Variants in PITRM1 observed in about 807,000 individuals in gnomAD.
PITRM1 encodes pitrilysin metallopeptidase 1, also known as presequence protease, mitochondrial.
Under a neutral mutation model 129.9 loss-of-function variants are expected in PITRM1, and 100 were observed. The ratio of observed to expected loss-of-function variants is 0.77; its 90% CI spans 0.65 to 0.91. The LOEUF (loss-of-function observed/expected upper bound fraction) is 0.91. Among genes scored for constraint, PITRM1 ranks in the 40% least tolerant of loss-of-function variants. PITRM1 has a pLI of 0.00. For missense variants in PITRM1, 1,471 were observed against 1,318.3 expected (o/e 1.12, Z -1.79); for synonymous variants, 591 against 508.8 (o/e 1.16, Z -2.17).
chr10:3,148,234 G>A lies in PITRM1; in HGVS notation c.1929C>T (p.Thr643=), dbSNP rs369323219. Residue 643 remains threonine, a synonymous_variant, in exon 17 of 27, where the codon ACC becomes ACT. Coordinates refer to ENST00000224949, the MANE Select transcript of PITRM1 (RefSeq NM_014889.4). ...CGTGGGGAGAAGCACTCATCCCTCC[G>A]GTCTTCAATTCTATCTGCTGAGCCT... is the stretch of plus-strand genomic sequence containing the variant. ...REQAQQIELK[T]GGMSASPHVL... is the part of the protein sequence containing the mutation. 4.2e-5 allele frequency: 67 copies of A among 1,613,844 alleles called. No homozygotes were observed. Among genetic ancestry groups the A allele is most frequent in the Admixed American group, 5.0e-5 (3 of 60,002 alleles).
chr10:3,149,869 A>G, intron 15 of PITRM1, 116 bp from the exon 16 acceptor site: 1 of 1,064,882 alleles, frequency 9.4e-7, no homozygotes, highest in South Asian at 1.4e-5. Context: ...TAAGACTTAT[A>G]CTAGAGTTTA....
In PITRM1 at chr10:3,149,188, C is replaced by T. The variant is rs558081066; in HGVS notation, c.1871+433G>A. The T allele has an allele frequency of 7.3e-4, 115 of 156,796 alleles. 1 individual carries two copies. Among genetic ancestry groups the T allele is most frequent in the Non-Finnish European group, 1.4e-3 (98 of 70,998 alleles). The allele number at this position is 156,796 out of a possible 1,614,324, so 9.7% of individuals were successfully genotyped here. A position where few individuals can be genotyped will look rare whatever the true frequency, so the allele number is the denominator to read the frequency against. ...AAAGTCAAGTGTTGATGTGTGCACT[C>T]GTGTGTGTGTTTCCAGATCTGTGCA... On this transcript the variant is annotated intron_variant, in intron 16 of 26. Coordinates refer to ENST00000224949, the MANE Select transcript of PITRM1 (RefSeq NM_014889.4).
In PITRM1 at chr10:3,171,147, T is replaced by TAAAAAAA. The variant is rs1169315061; in HGVS notation, c.57-948_57-942dup. On this transcript the variant is annotated intron_variant, in intron 1 of 26. Transcript: ENST00000224949. ...ATAAAGTGCGGACTAATCGTTCAAT[T>TAAAAAAA]AAAAAAAAAAAAAAAAAAAAAAAAA... 5.3e-4 allele frequency among the ~76,000 whole-genome samples: 26 copies of TAAAAAAA among 49,192 alleles called. 1 individual carries two copies. Among genetic ancestry groups the TAAAAAAA allele is most frequent in the East Asian group, 7.4e-4 (1 of 1,354 alleles). 32.3% of individuals were successfully genotyped at this position (49,192 alleles called of 152,430 possible).
chr10:3,146,020 C>T (rs1201838774), intron 20 of PITRM1: 2 of 313,576 alleles, frequency 6.4e-6, no homozygotes, highest in Non-Finnish European at 6.0e-6. Context: ...ATCTGCTAAC[C>T]GTGCCTTCGG....
At chr10:3,161,388 G>C (rs1436911582) in intron 7 of PITRM1, among the ~76,000 whole-genome samples, 1 of 152,164 alleles carries the variant, frequency 6.6e-6, no homozygotes, top group East Asian at 1.9e-4. Flanking sequence ...AGAGGAAAAA[G>C]GTTACAATGA....
intron 19 of PITRM1, 120 bp from the exon 20 acceptor site, chr10:3,147,370 G>C (rs568172826): frequency 1.0e-6 from 1 of 958,106 alleles, no homozygotes; most frequent in South Asian, 1.5e-5. Context: ...GCGAGTGCAC[G>C]GCTTGGGCAG....
intron 23 of PITRM1, chr10:3,141,861 G>C (rs1158846751): frequency 4.2e-6 from 1 of 236,752 alleles, no homozygotes; most frequent in Non-Finnish European, 8.9e-6. Context: ...GAGAAACCCA[G>C]CGCCACTCGG....
At chr10:3,149,547 T>C (rs913318626) in intron 16 of PITRM1, 74 bp downstream of exon 16, 1 of 1,377,176 alleles carries the variant, frequency 7.3e-7, no homozygotes, top group Non-Finnish European at 9.8e-7. Context: ...TAATTCCTAC[T>C]GATGCATTAG....
intron 2 of PITRM1, among the ~76,000 whole-genome samples, chr10:3,168,561 G>A (rs969163520): frequency 6.8e-6 from 1 of 147,366 alleles, no homozygotes; most frequent in Non-Finnish European, 1.5e-5. Flanking sequence ...GGAGGGACCT[G>A]GTGGGAGGTA....
chr10:3,143,396 G>T lies in PITRM1; in HGVS notation c.2638C>A (p.His880Asn). 2 of 1,603,466 alleles carry T rather than the reference G, an allele frequency of 1.2e-6. No homozygotes were observed. The highest frequency in any genetic ancestry group is 1.1e-5 in the South Asian group (1 of 90,888). ...IRTVPYTDPD[H>N]ASLKILARLM... is the part of the protein sequence containing the mutation. ...CGACCTACACCCTCCTACCTGGCAT[G>T]ATCTGGGTCCGTGTAGGGGACAGTT... Residue 880 changes from histidine (H) to asparagine (N), a missense_variant, in exon 23 of 27, where the codon CAT becomes AAT. Transcript: ENST00000224949.
At position 3,158,081 on chromosome 10, in the gene PITRM1, G is replaced by A. The variant is rs766860548; in HGVS notation, c.1209C>T (p.Thr403=). 3.0e-5 allele frequency: 49 copies of A among 1,611,056 alleles called. 1 individual carries two copies. The highest frequency in any genetic ancestry group is 3.3e-4 in the Middle Eastern group (2 of 6,082). ...TCGTTCTGTCTATGAGGCTTCTGAC[G>A]GTCTCAATGTCTTTCTCCGCAATCC... is the stretch of plus-strand genomic sequence containing the variant. The part of the protein sequence containing the change: ...LQGIAEKDIE[T]VRSLIDRTID... The change falls in exon 11 of 27, where the codon ACC becomes ACT. Residue 403 remains threonine, a synonymous_variant. Coordinates refer to ENST00000224949, the MANE Select transcript of PITRM1 (RefSeq NM_014889.4).
intron 25 of PITRM1, chr10:3,138,672 C>G: frequency 1.5e-6 from 1 of 647,988 alleles, no homozygotes; most frequent in South Asian, 1.8e-5. Flanking sequence ...CCGGACACTG[C>G]CATGGGTTGG....
chr10:3,143,605 C>G lies in PITRM1; in HGVS notation c.2533-104G>C. On this transcript the variant is annotated intron_variant, in intron 22 of 26. Coordinates refer to ENST00000224949, the MANE Select transcript of PITRM1 (RefSeq NM_014889.4). The stretch of plus-strand genomic sequence containing the variant: ...TCAGAGGCGGCTGTGCTCCCACGCA[C>G]TGCCCACGGCACTGGGACTGGAGCC... 2.0e-5 allele frequency: 16 copies of G among 789,852 alleles called. No homozygotes were observed. In the South Asian group the frequency reaches 2.3e-4, roughly 11 times the overall value. 48.9% of individuals were successfully genotyped at this position (789,852 alleles called of 1,614,324 possible). A position where few individuals can be genotyped will look rare whatever the true frequency, so the allele number is the denominator to read the frequency against.
At position 3,143,375 on chromosome 10, in the gene PITRM1, C is replaced by CT. The variant is rs1840467160; in HGVS notation, c.2645+13dup. ...AGGCTCAGGCCTGAGAGGTCCCGAC[C>CT]TACACCCTCCTACCTGGCATGATCT... On this transcript the variant is annotated intron_variant, in intron 23 of 26. Coordinates refer to ENST00000224949, the MANE Select transcript of PITRM1 (RefSeq NM_014889.4). 1.2e-5 allele frequency: 19 copies of CT among 1,546,018 alleles called. No individual in the cohort carries two copies. The highest frequency in any genetic ancestry group is 1.6e-5 in the Non-Finnish European group (18 of 1,117,936).
chr10:3,141,676 T>C (rs908589221), intron 23 of PITRM1: 5 of 470,462 alleles, frequency 1.1e-5, no homozygotes, highest in African/African-American at 8.0e-5. Context: ...AGACACAGGC[T>C]CCTTGAAGAC....
chr10:3,145,272 G>A (rs918491949), intron 21 of PITRM1: 2 of 292,168 alleles, frequency 6.8e-6, no homozygotes, highest in African/African-American at 4.4e-5. Context: ...AAACAGCAGT[G>A]AACAGCCTTC....
intron 18 of PITRM1, 91 bp downstream of exon 18, chr10:3,147,896 C>T (rs906291723): frequency 1.1e-5 from 13 of 1,212,484 alleles, no homozygotes; most frequent in Admixed American, 9.5e-5. Context: ...AAAACAACAA[C>T]ACACACGAGT....
In PITRM1 at chr10:3,151,268, CTG is replaced by C. The variant is rs1223382357; in HGVS notation, c.1715_1716del (p.Thr572ArgfsTer59). 2 of 1,603,270 alleles carry C rather than the reference CTG, an allele frequency of 1.2e-6. No homozygotes were observed. ...VSDIEPTIPV[T>X]ELDVVLTAGD... ...TGACCTGTCAGGACCACGTCCAACT[CTG>C]TGACAGGTATGGTGGGTTCAATATC... On this transcript the variant is annotated frameshift_variant, in exon 15 of 27. Transcript: ENST00000224949. LOFTEE classifies it high-confidence loss of function.
At chr10:3,169,673 CTTCT>C (rs1002064447) in intron 2 of PITRM1, among the ~76,000 whole-genome samples, 22 of 152,322 alleles carry the variant, frequency 1.4e-4, no homozygotes, top group African/African-American at 5.3e-4. Flanking sequence ...TCCACAATTG[CTTCT>C]TTATCATTCT....
Sources: allele counts gnomAD v4.1 joint callset (sites outside exome capture counted in the v4.1 genomes callset), GRCh38; gene constraint gnomAD v4.1.1; transcripts MANE v1.5; gene names NCBI Gene and HGNC (gene_info 2026-07-23, HGNC 2026-07-21).